Variants in RALYL observed in about 807,000 individuals in gnomAD.
RALYL encodes RNA-binding Raly-like protein.
Under a neutral mutation model 35.1 loss-of-function variants are expected in RALYL, and 29 were observed. That is an observed-to-expected ratio of 0.83 (90% confidence interval 0.61 to 1.13). The LOEUF (loss-of-function observed/expected upper bound fraction) is 1.13. Among genes scored for constraint, RALYL ranks in the 50% most tolerant of loss-of-function variants. RALYL has a pLI of 0.00. For synonymous variants in RALYL, 120 were observed against 127.6 expected, an observed-to-expected ratio of 0.94 and a Z score of 0.40; for missense variants, 359 against 360.4, an observed-to-expected ratio of 1.00 and a Z score of 0.03.
chr8:84,709,975 C>G (rs529761568), intron 2 of RALYL, among the ~76,000 whole-genome samples: 62 of 152,122 alleles, frequency 4.1e-4, no homozygotes, highest in African/African-American at 1.4e-3. Context: ...GCACAATAAT[C>G]GCTTGAACCC....
intron 1 of RALYL, among the ~76,000 whole-genome samples, chr8:84,398,131 TC>T (rs1341804824): frequency 6.6e-6 from 1 of 152,202 alleles, no homozygotes; most frequent in Non-Finnish European, 1.5e-5. Flanking sequence ...CTGTTAATGT[TC>T]CAGGGCTGCT....
At chr8:84,640,357 A>G (rs1029027474) in intron 2 of RALYL, among the ~76,000 whole-genome samples, 1 of 152,046 alleles carries the variant, frequency 6.6e-6, no homozygotes, top group African/African-American at 2.4e-5. Flanking sequence ...AAAGGCAAAG[A>G]AAAACCTGCA....
intron 1 of RALYL, among the ~76,000 whole-genome samples, chr8:84,350,356 G>A (rs1040605952): frequency 6.6e-6 from 1 of 150,504 alleles, no homozygotes; most frequent in Non-Finnish European, 1.5e-5. Flanking sequence ...AATAGTTGCT[G>A]TTGAGTGCTG....
intron 2 of RALYL, among the ~76,000 whole-genome samples, chr8:84,599,893 T>A (rs1815497110): frequency 1.3e-5 from 2 of 151,790 alleles, no homozygotes; most frequent in Non-Finnish European, 2.9e-5. Flanking sequence ...GTGAGAAACT[T>A]GTTCAGGGGT....
At chr8:84,604,502 T>C (rs183563756) in intron 2 of RALYL, among the ~76,000 whole-genome samples, 1 of 152,296 alleles carries the variant, frequency 6.6e-6, no homozygotes, top group Non-Finnish European at 1.5e-5. Context: ...CCCATCTCGC[T>C]GCTGCTGCCG....
At chr8:84,377,680 C>T (rs966782379) in intron 1 of RALYL, among the ~76,000 whole-genome samples, 1 of 151,244 alleles carries the variant, frequency 6.6e-6, no homozygotes, top group African/African-American at 2.4e-5. Flanking sequence ...TTTTATCCAC[C>T]CACTCTGCTC....
At chr8:84,515,829 A>G (rs373706905) in intron 1 of RALYL, among the ~76,000 whole-genome samples, 1 of 152,188 alleles carries the variant, frequency 6.6e-6, no homozygotes, top group Non-Finnish European at 1.5e-5. Context: ...TTAACCTACC[A>G]GAAAGATTTC....
intron 1 of RALYL, among the ~76,000 whole-genome samples, chr8:84,187,045 GAAAA>G (rs112799994): frequency 0.027 from 4,090 of 151,894 alleles, 194 homozygotes; most frequent in African/African-American, 0.091. Flanking sequence ...GAGAAGGAGG[GAAAA>G]AAAAGTTTCT....
intron 1 of RALYL, among the ~76,000 whole-genome samples, chr8:84,317,157 T>A (rs975915001): frequency 2.6e-5 from 4 of 152,182 alleles, no homozygotes; most frequent in Non-Finnish European, 2.9e-5. Context: ...TTAGTTATAA[T>A]CCTTTGTTTC....
At chr8:84,635,772 G>C (rs747610049) in intron 2 of RALYL, among the ~76,000 whole-genome samples, 4 of 151,854 alleles carry the variant, frequency 2.6e-5, no homozygotes, top group African/African-American at 9.6e-5. Flanking sequence ...ATGGTGCGCA[G>C]AATGGAAATA....
At chr8:84,741,711 C>T (rs1807352295) in intron 2 of RALYL, among the ~76,000 whole-genome samples, 1 of 151,918 alleles carries the variant, frequency 6.6e-6, no homozygotes. Context: ...TACATCCAAA[C>T]CATGGATATA....
intron 2 of RALYL, among the ~76,000 whole-genome samples, chr8:84,757,092 A>G (rs1811607630): frequency 1.3e-5 from 2 of 152,248 alleles, no homozygotes; most frequent in South Asian, 2.1e-4. Flanking sequence ...AAAGAATTCC[A>G]TATTTCTCCA....
chr8:84,281,190 G>A (rs1836476898), intron 1 of RALYL, among the ~76,000 whole-genome samples: 1 of 152,148 alleles, frequency 6.6e-6, no homozygotes, highest in Non-Finnish European at 1.5e-5. Flanking sequence ...GGACATCTAA[G>A]TGGAGCAATT....
intron 1 of RALYL, among the ~76,000 whole-genome samples, chr8:84,358,623 A>G (rs1852336726): frequency 6.6e-6 from 1 of 152,080 alleles, no homozygotes; most frequent in Admixed American, 6.6e-5. Flanking sequence ...GAATACTGAT[A>G]TGAAATTACA....
At chr8:84,308,406 C>G (rs1268753794) in intron 1 of RALYL, among the ~76,000 whole-genome samples, 2 of 152,106 alleles carry the variant, frequency 1.3e-5, no homozygotes, top group African/African-American at 2.4e-5. Flanking sequence ...CAAGTTTTCT[C>G]ATGCCATTGA....
intron 1 of RALYL, among the ~76,000 whole-genome samples, chr8:84,328,058 T>C (rs1355805046): frequency 1.3e-5 from 2 of 152,164 alleles, no homozygotes; most frequent in African/African-American, 4.8e-5. Flanking sequence ...TTTTAATTAG[T>C]TTTTGAGGCT....
At chr8:84,577,890 C>T (rs1037162222) in intron 2 of RALYL, among the ~76,000 whole-genome samples, 17 of 152,278 alleles carry the variant, frequency 1.1e-4, no homozygotes, top group African/African-American at 4.1e-4. Context: ...GTAAATAGAG[C>T]ACCCTTAACT....
chr8:84,493,375 A>G (rs922787385), intron 1 of RALYL, among the ~76,000 whole-genome samples: 3 of 139,264 alleles, frequency 2.2e-5, no homozygotes, highest in Admixed American at 7.0e-5. Flanking sequence ...TGCAATAAAC[A>G]TATGTGTGCG....
chr8:84,857,165 G>C (rs1385556480), intron 5 of RALYL, among the ~76,000 whole-genome samples: 1 of 151,832 alleles, frequency 6.6e-6, no homozygotes, highest in Non-Finnish European at 1.5e-5. Context: ...TAATGAAAAG[G>C]AAGGCTGGAG....
Sources: gnomAD v4.1 joint callset for allele counts (sites outside exome capture counted in the v4.1 genomes callset) on GRCh38, gnomAD v4.1.1 for gene constraint, MANE v1.5 for transcripts, NCBI Gene and HGNC (gene_info 2026-07-23, HGNC 2026-07-21) for gene names.